CERS6: variants seen among roughly 807,000 people sequenced by gnomAD.
CERS6 encodes the protein LAG1 homolog, ceramide synthase 6.
CERS6 carries 26 observed loss-of-function variants against 56.8 expected under a neutral mutation model. The ratio of observed to expected loss-of-function variants is 0.46; its 90% CI spans 0.34 to 0.63. CERS6 has a LOEUF of 0.63. Ranked by LOEUF, CERS6 falls within the 30% of genes least tolerant of loss-of-function variation. The pLI is 0.01. For synonymous variants in CERS6, 164 were observed against 173.3 expected (o/e 0.95, Z 0.42); for missense variants, 415 against 467.5 (o/e 0.89, Z 1.04).
chr2:168,508,998 T>C (rs888938118), intron 1 of CERS6, among the ~76,000 whole-genome samples: 2 of 152,212 alleles, frequency 1.3e-5, no homozygotes, highest in African/African-American at 2.4e-5. Context: ...TGTGGAGTTT[T>C]ACTTTCTAGA....
chr2:168,699,014 T>A (rs1208384341), intron 6 of CERS6, among the ~76,000 whole-genome samples: 2 of 152,214 alleles, frequency 1.3e-5, no homozygotes, highest in African/African-American at 4.8e-5. Context: ...CTACCAGGCA[T>A]GCTTACTCCT....
chr2:168,694,969 C>G lies in CERS6; in HGVS notation c.527C>G (p.Thr176Ser), dbSNP rs764758352. The G allele has an allele frequency of 1.3e-5, 21 of 1,613,134 alleles. No homozygotes were observed. The highest frequency in any genetic ancestry group is 1.8e-5 in the Non-Finnish European group (21 of 1,179,394). The part of the protein sequence containing the change: ...WYNYPYQPLT[T>S]DLHYYYILEL... ...TTCTTTCACCTTCAGCCACTCACAACTGACCTTCACTACTATTACATCCTG... is the reference window on the plus strand; with the variant it reads ...TTCTTTCACCTTCAGCCACTCACAAGTGACCTTCACTACTATTACATCCTG... Residue 176 changes from threonine to serine, a missense_variant, in exon 6 of 10, where the codon ACT becomes AGT. Thr to Ser is a moderately conservative substitution (Grantham distance 58). Transcript: ENST00000305747.
At chr2:168,526,222 G>T (rs1307625232) in intron 1 of CERS6, among the ~76,000 whole-genome samples, 2 of 152,080 alleles carry the variant, frequency 1.3e-5, no homozygotes, top group African/African-American at 4.8e-5. Context: ...TCTCCTATTT[G>T]CTCCTTATGA....
intron 6 of CERS6, among the ~76,000 whole-genome samples, chr2:168,696,034 T>C (rs1178685115): frequency 1.3e-5 from 2 of 152,220 alleles, no homozygotes; most frequent in African/African-American, 4.8e-5. Flanking sequence ...TCTGTAAGCA[T>C]AATGCAAACA....
At chr2:168,576,933 T>C (rs1239293238) in intron 3 of CERS6, among the ~76,000 whole-genome samples, 2 of 151,982 alleles carry the variant, frequency 1.3e-5, no homozygotes, top group African/African-American at 2.4e-5. Flanking sequence ...CTTGAGTGGG[T>C]TGAGGAAGCG....
intron 1 of CERS6, among the ~76,000 whole-genome samples, chr2:168,503,917 A>G (rs1375433409): frequency 1.3e-5 from 2 of 152,180 alleles, no homozygotes; most frequent in African/African-American, 4.8e-5. Context: ...AAACCCTCTA[A>G]GCTGTTTCTT....
chr2:168,686,437 T>C (rs1293953618), intron 4 of CERS6, among the ~76,000 whole-genome samples: 1 of 114,254 alleles, frequency 8.8e-6, no homozygotes, highest in Non-Finnish European at 1.8e-5. Flanking sequence ...AGACGCAATT[T>C]CTGTTAACCA....
chr2:168,695,740 C>T (rs961962727), intron 6 of CERS6, among the ~76,000 whole-genome samples: 1 of 152,154 alleles, frequency 6.6e-6, no homozygotes, highest in African/African-American at 2.4e-5. Context: ...ACCTGAATTA[C>T]AGGATGCCAT....
At chr2:168,578,172 CT>C (rs79515649) in intron 3 of CERS6, among the ~76,000 whole-genome samples, 1,915 of 141,208 alleles carry the variant, frequency 0.014, 22 homozygotes, top group African/African-American at 0.033. Context: ...AACCAGTAAA[CT>C]TTTTTTTTTT....
intron 3 of CERS6, among the ~76,000 whole-genome samples, chr2:168,599,503 C>T (rs1229760559): frequency 3.9e-5 from 6 of 152,144 alleles, no homozygotes; most frequent in Non-Finnish European, 8.8e-5. Flanking sequence ...CGAACATTGT[C>T]GGAGTAAATC....
intron 8 of CERS6, among the ~76,000 whole-genome samples, chr2:168,739,172 G>A (rs979403163): frequency 1.3e-5 from 2 of 148,284 alleles, no homozygotes; most frequent in Non-Finnish European, 3.0e-5. Context: ...GCCTCCCAAA[G>A]TGCTAGGATT....
chr2:168,664,311 A>G, intron 4 of CERS6, among the ~76,000 whole-genome samples: 1 of 152,144 alleles, frequency 6.6e-6, no homozygotes, highest in East Asian at 1.9e-4. Flanking sequence ...ATGTGATGGC[A>G]CTAGCAGCTT....
intron 3 of CERS6, among the ~76,000 whole-genome samples, chr2:168,582,711 T>A (rs1454153168): frequency 6.6e-6 from 1 of 152,230 alleles, no homozygotes; most frequent in Non-Finnish European, 1.5e-5. Flanking sequence ...CAAGGTCAGT[T>A]TGACCTTGTG....
chr2:168,693,072 T>G (rs2105363435), intron 5 of CERS6, among the ~76,000 whole-genome samples: 1 of 152,270 alleles, frequency 6.6e-6, no homozygotes, highest in East Asian at 1.9e-4. Context: ...ATGTGTATAT[T>G]CTAAGTTTAA....
rs780954291 is a variant in CERS6 at position 168,715,077 on chromosome 2, G to A, written c.686G>A (p.Arg229Gln). The A allele has an allele frequency of 8.1e-6, 13 of 1,612,530 alleles. No homozygotes were observed. Among genetic ancestry groups the A allele is most frequent in the East Asian group, 6.7e-5 (3 of 44,826 alleles). The stretch of plus-strand genomic sequence containing the variant: ...TTTTCATATGTCAACAATATGGCCC[G>A]AGTAGGAACGCTGGTCCTTTGTCTT... The part of the protein sequence containing the change: ...ITFSYVNNMA[R>Q]VGTLVLCLHD... Residue 229 changes from arginine to glutamine, a missense_variant, in exon 7 of 10, where the codon CGA (arginine) becomes CAA (glutamine). Transcript: ENST00000305747.
At chr2:168,652,977 T>C (rs895710420) in intron 4 of CERS6, among the ~76,000 whole-genome samples, 1 of 152,248 alleles carries the variant, frequency 6.6e-6, no homozygotes, top group African/African-American at 2.4e-5. Context: ...GACATATTTG[T>C]CCAACAATCA....
chr2:168,591,528 T>C (rs1025380718), intron 3 of CERS6, among the ~76,000 whole-genome samples: 1 of 152,220 alleles, frequency 6.6e-6, no homozygotes, highest in African/African-American at 2.4e-5. Context: ...CAATCATTAG[T>C]TTTAACATTA....
At chr2:168,744,753 G>C (rs1384984548) in intron 8 of CERS6, among the ~76,000 whole-genome samples, 1 of 152,190 alleles carries the variant, frequency 6.6e-6, no homozygotes, top group African/African-American at 2.4e-5. Context: ...TCTCTACTGA[G>C]AGCAGGAATG....
chr2:168,771,820 G>C lies in CERS6; in HGVS notation c.*2158G>C, dbSNP rs77100245. Reference sequence around the variant, plus strand: ...AAGGTTTAGAAGAATTGCATAAAACGTAGTAAATGGGGTCTGTCATTAGCA... The same window carrying C: ...AAGGTTTAGAAGAATTGCATAAAACCTAGTAAATGGGGTCTGTCATTAGCA... On this transcript the variant is annotated 3_prime_UTR_variant, in exon 10 of 10. Coordinates refer to ENST00000305747, the MANE Select transcript of CERS6 (RefSeq NM_203463.3). 1.3e-5 allele frequency: 2 copies of C among 152,156 alleles called. No homozygotes were observed. Among genetic ancestry groups the C allele is most frequent in the South Asian group, 4.1e-4 (2 of 4,832 alleles). The allele number at this position is 152,156 out of a possible 1,614,324, so 9.4% of individuals were successfully genotyped here.
Sources: gnomAD v4.1 joint callset for allele counts (sites outside exome capture counted in the v4.1 genomes callset) on GRCh38, gnomAD v4.1.1 for gene constraint, MANE v1.5 for transcripts, NCBI Gene and HGNC (gene_info 2026-07-23, HGNC 2026-07-21) for gene names.